CDC14A: variants seen among roughly 807,000 people sequenced by gnomAD.
The protein encoded by CDC14A is dual specificity protein phosphatase CDC14A.
Under a neutral mutation model 74.4 loss-of-function variants are expected in CDC14A, and 53 were observed. That is an observed-to-expected ratio of 0.71 (90% CI 0.57 to 0.89). CDC14A has a LOEUF of 0.89. CDC14A is among the 40% of genes least tolerant of loss of function. CDC14A has a pLI of 0.00. For synonymous variants in CDC14A, 247 were observed against 258.4 expected (o/e 0.96, Z 0.43); for missense variants, 646 against 713.7 (o/e 0.91, Z 1.08).
chr1:100,484,537 C>G, intron 11 of CDC14A, 86 bp downstream of exon 11: 12 of 1,376,744 alleles, frequency 8.7e-6, no homozygotes, highest in Non-Finnish European at 1.1e-5. Flanking sequence ...ATAGCAGTGT[C>G]TTTTCTCTGG....
chr1:100,453,074 A>T (rs1030743119), intron 7 of CDC14A, among the ~76,000 whole-genome samples: 1 of 152,148 alleles, frequency 6.6e-6, no homozygotes, highest in Non-Finnish European at 1.5e-5. Flanking sequence ...ATTTAGGTCT[A>T]AGACCTAAAT....
chr1:100,351,163 C>G (rs549044786), upstream of CDC14A, among the ~76,000 whole-genome samples: 48 of 151,882 alleles, frequency 3.2e-4, no homozygotes, highest in Non-Finnish European at 2.9e-5. Flanking sequence ...CACCGCACTC[C>G]GGCCTGGGTG....
chr1:100,491,548 CTATATA>C (rs67056785), intron 11 of CDC14A, among the ~76,000 whole-genome samples: 18 of 38,750 alleles, frequency 4.6e-4, no homozygotes, highest in African/African-American at 1.4e-3. Flanking sequence ...CTCTCTCTCT[CTATATA>C]TATATATATA....
chr1:100,509,317 C>T (rs543661824), intron 15 of CDC14A, among the ~76,000 whole-genome samples: 34 of 152,288 alleles, frequency 2.2e-4, no homozygotes, highest in African/African-American at 7.9e-4. Context: ...ATTGGCCTTC[C>T]TCATCCCTCT....
At chr1:100,345,145 C>G (rs1553166367) in exon 1 of CDC14A, 1 of 152,054 alleles carries the variant, frequency 6.6e-6, no homozygotes, top group Non-Finnish European at 1.5e-5. Context: ...TAACTTGTAC[C>G]CTGTGGAATT....
intron 5 of CDC14A, among the ~76,000 whole-genome samples, chr1:100,434,905 G>A (rs1221325550): frequency 2.0e-5 from 3 of 152,184 alleles, no homozygotes; most frequent in African/African-American, 7.2e-5. Flanking sequence ...GCAGATAGAT[G>A]GTAATTTATG....
intron 3 of CDC14A, among the ~76,000 whole-genome samples, chr1:100,379,073 G>C (rs1655728281): frequency 6.6e-6 from 1 of 152,140 alleles, no homozygotes; most frequent in Non-Finnish European, 1.5e-5. Context: ...TAGTTGGTAT[G>C]AATTGGGTAT....
intron 5 of CDC14A, among the ~76,000 whole-genome samples, chr1:100,438,288 G>A (rs776799597): frequency 1.8e-4 from 27 of 151,956 alleles, no homozygotes; most frequent in Middle Eastern, 3.2e-3. Context: ...TTATTTAAAT[G>A]TAATTGAAAT....
intron 7 of CDC14A, among the ~76,000 whole-genome samples, chr1:100,448,315 T>G (rs934705234): frequency 2.0e-5 from 3 of 152,218 alleles, no homozygotes; most frequent in African/African-American, 7.2e-5. Context: ...TTTTTGGGTG[T>G]GAAAAACAAA....
intron 15 of CDC14A, among the ~76,000 whole-genome samples, chr1:100,509,771 T>C (rs531387079): frequency 2.5e-4 from 38 of 152,202 alleles, no homozygotes; most frequent in Admixed American, 3.3e-4. Flanking sequence ...CAAAGGTTGA[T>C]ATATGTGGGA....
At chr1:100,372,279 ATTTC>A (rs1654585604) in intron 2 of CDC14A, among the ~76,000 whole-genome samples, 1 of 152,136 alleles carries the variant, frequency 6.6e-6, no homozygotes, top group South Asian at 2.1e-4. Context: ...GGCTGTGGCA[ATTTC>A]TTAAAATAAG....
chr1:100,428,165 A>G (rs1389374152), intron 5 of CDC14A, among the ~76,000 whole-genome samples: 1 of 152,216 alleles, frequency 6.6e-6, no homozygotes, highest in African/African-American at 2.4e-5. Flanking sequence ...AGAATTGTGT[A>G]GCTTTAACTG....
At chr1:100,484,994 G>T (rs1461150720) in intron 11 of CDC14A, 1 of 982,500 alleles carries the variant, frequency 1.0e-6, no homozygotes, top group African/African-American at 1.7e-5. Flanking sequence ...TTTATAGGAA[G>T]GAAATTGCAT....
At chr1:100,380,016 G>T (rs1655872983) in intron 3 of CDC14A, among the ~76,000 whole-genome samples, 1 of 152,132 alleles carries the variant, frequency 6.6e-6, no homozygotes, top group South Asian at 2.1e-4. Context: ...GTGAGATTTG[G>T]AGAGGACAAA....
intron 5 of CDC14A, 83 bp from the exon 6 acceptor site, chr1:100,439,848 TC>T (rs746199532): frequency 1.6e-5 from 15 of 923,082 alleles, no homozygotes; most frequent in Non-Finnish European, 2.3e-5. Context: ...AACAAGCACA[TC>T]TCCAGCTGAC....
At chr1:100,348,449 T>C (rs1650630262), upstream of CDC14A, among the ~76,000 whole-genome samples, 5 of 152,206 alleles carry the variant, frequency 3.3e-5, no homozygotes. Flanking sequence ...TTCTTTTATG[T>C]TTTTCATTTC....
At chr1:100,360,108 AT>A (rs35028152) in intron 2 of CDC14A, among the ~76,000 whole-genome samples, 45,917 of 123,572 alleles carry the variant, frequency 0.37, 7,396 homozygotes, top group East Asian at 0.42. Flanking sequence ...ACACCCAGCT[AT>A]TTTTTTTTTT....
chr1:100,399,883 A>G (rs1659037096), intron 4 of CDC14A, among the ~76,000 whole-genome samples: 1 of 151,996 alleles, frequency 6.6e-6, no homozygotes, highest in South Asian at 2.1e-4. Flanking sequence ...AAGTCATTTT[A>G]TCTGTGTCTA....
intron 10 of CDC14A, among the ~76,000 whole-genome samples, chr1:100,483,521 T>C (rs993714124): frequency 6.6e-6 from 1 of 152,220 alleles, no homozygotes; most frequent in Non-Finnish European, 1.5e-5. Context: ...AATTCTATTC[T>C]GTACAGTGTG....
Sources: gnomAD v4.1 joint callset for allele counts (sites outside exome capture counted in the v4.1 genomes callset) on GRCh38, gnomAD v4.1.1 for gene constraint, MANE v1.5 for transcripts, NCBI Gene and HGNC (gene_info 2026-07-23, HGNC 2026-07-21) for gene names.